The following SPOCK1 variants were observed in gnomAD, a reference collection of about 807,000 sequenced individuals.
SPOCK1 encodes the protein SPARC (osteonectin), cwcv and kazal like domains proteoglycan 1.
SPOCK1 carries 23 observed loss-of-function variants against 55.3 expected under a neutral mutation model. The observed-to-expected ratio is 0.42, with a 90% CI of 0.30 to 0.59. The LOEUF (loss-of-function observed/expected upper bound fraction) is 0.59, where lower values mean the gene tolerates loss of function less well. SPOCK1 is among the 20% of genes least tolerant of loss of function. SPOCK1 has a pLI of 0.22. For synonymous variants in SPOCK1, 226 were observed against 221.0 expected (o/e 1.02, Z -0.20); for missense variants, 499 against 552.5 (o/e 0.90, Z 0.97).
chr5:137,357,179 T>C (rs1750836680), intron 2 of SPOCK1, among the ~76,000 whole-genome samples: 2 of 152,058 alleles, frequency 1.3e-5, no homozygotes, highest in African/African-American at 4.8e-5. Flanking sequence ...AGAGGACCAC[T>C]CATGGAGTTT....
intron 2 of SPOCK1, among the ~76,000 whole-genome samples, chr5:137,417,709 T>C (rs1752370325): frequency 1.3e-5 from 2 of 152,222 alleles, no homozygotes; most frequent in Admixed American, 1.3e-4. Flanking sequence ...CTTATGCATA[T>C]CTCAAAAATT....
chr5:137,473,158 A>T (rs1347991304), intron 2 of SPOCK1, among the ~76,000 whole-genome samples: 2 of 152,170 alleles, frequency 1.3e-5, no homozygotes, highest in Non-Finnish European at 2.9e-5. Flanking sequence ...AATGCACAAG[A>T]TTATTCACTC....
chr5:137,202,478 C>T (rs1008747930), intron 3 of SPOCK1, among the ~76,000 whole-genome samples: 2 of 152,176 alleles, frequency 1.3e-5, no homozygotes, highest in Non-Finnish European at 2.9e-5. Flanking sequence ...CTGGTTTTAT[C>T]CATCCTGATA....
chr5:137,216,294 C>G (rs1004442800), intron 3 of SPOCK1, among the ~76,000 whole-genome samples: 3 of 152,214 alleles, frequency 2.0e-5, no homozygotes, highest in Non-Finnish European at 4.4e-5. Context: ...ATGCAAGAAA[C>G]ATTAGCTGTT....
intron 4 of SPOCK1, among the ~76,000 whole-genome samples, chr5:137,133,336 C>T (rs1467190137): frequency 6.6e-6 from 1 of 150,474 alleles, no homozygotes; most frequent in East Asian, 1.9e-4. Context: ...CACCACTGCA[C>T]TCCAGCCTGG....
At chr5:137,424,625 G>A (rs549627679) in intron 2 of SPOCK1, among the ~76,000 whole-genome samples, 1 of 152,252 alleles carries the variant, frequency 6.6e-6, no homozygotes, top group South Asian at 2.1e-4. Context: ...ATCAACAGGT[G>A]AATGGATAAG....
chr5:137,472,864 T>C (rs1241584878), intron 2 of SPOCK1, among the ~76,000 whole-genome samples: 1 of 152,234 alleles, frequency 6.6e-6, no homozygotes, highest in Non-Finnish European at 1.5e-5. Flanking sequence ...GATGCTCCAC[T>C]TCACTCATAA....
chr5:137,272,846 G>C (rs915294806), intron 2 of SPOCK1, among the ~76,000 whole-genome samples: 1 of 150,096 alleles, frequency 6.7e-6, no homozygotes, highest in Non-Finnish European at 1.5e-5. Flanking sequence ...GTAAATCCTT[G>C]CTAAATCACA....
intron 2 of SPOCK1, among the ~76,000 whole-genome samples, chr5:137,472,475 G>C (rs766099983): frequency 1.3e-5 from 2 of 152,208 alleles, no homozygotes; most frequent in Non-Finnish European, 2.9e-5. Context: ...AGTCAGTCGG[G>C]AGAAAATAGG....
At chr5:137,153,621 A>C (rs895442368) in intron 3 of SPOCK1, among the ~76,000 whole-genome samples, 2 of 152,090 alleles carry the variant, frequency 1.3e-5, no homozygotes, top group South Asian at 2.1e-4. Flanking sequence ...TGTGAGACTA[A>C]AGAGGGAAGA....
In SPOCK1 at chr5:137,105,015, T is replaced by C. The variant is rs1373363014; in HGVS notation, c.474+7420A>G. On this transcript the variant is annotated intron_variant, in intron 5 of 10. Coordinates refer to ENST00000394945, the MANE Select transcript of SPOCK1 (RefSeq NM_004598.4). ...CCGCTGCCTTATTGGACTGTTGGTG[T>C]CCACTGTGGTCTATCTGCACAAGAC... is the stretch of plus-strand genomic sequence containing the variant. Among the ~76,000 whole-genome samples, 3 of 152,172 alleles carry C rather than the reference T, an allele frequency of 2.0e-5. No homozygotes were observed. The East Asian group carries it at 5.8e-4, about 29-fold the overall frequency.
chr5:137,385,146 A>G (rs961547623), intron 2 of SPOCK1, among the ~76,000 whole-genome samples: 1 of 152,140 alleles, frequency 6.6e-6, no homozygotes, highest in African/African-American at 2.4e-5. Flanking sequence ...CCTTCCTAAT[A>G]CCTCATTCCA....
At chr5:137,455,154 C>T (rs1753337122) in intron 2 of SPOCK1, among the ~76,000 whole-genome samples, 1 of 152,172 alleles carries the variant, frequency 6.6e-6, no homozygotes, top group African/African-American at 2.4e-5. Flanking sequence ...GTACCTTACA[C>T]AAGAGAATGC....
intron 2 of SPOCK1, among the ~76,000 whole-genome samples, chr5:137,302,300 T>C (rs1757606968): frequency 6.6e-6 from 1 of 152,020 alleles, no homozygotes; most frequent in Non-Finnish European, 1.5e-5. Flanking sequence ...CTGGGCGCGG[T>C]GGCTCACGCC....
At chr5:137,063,239 CA>C (rs34720226) in intron 6 of SPOCK1, among the ~76,000 whole-genome samples, 52,194 of 99,880 alleles carry the variant, frequency 0.52, 12,540 homozygotes, top group Non-Finnish European at 0.61. Context: ...GACTCCATCT[CA>C]AAAAAAAAAA....
chr5:137,080,150 A>C (rs1349670531), intron 5 of SPOCK1, among the ~76,000 whole-genome samples: 3 of 152,136 alleles, frequency 2.0e-5, no homozygotes, highest in Non-Finnish European at 4.4e-5. Context: ...TTTCTCCTTT[A>C]ATTTTCACCC....
At chr5:137,152,232 TCA>T (rs1754330680) in intron 3 of SPOCK1, among the ~76,000 whole-genome samples, 1 of 152,226 alleles carries the variant, frequency 6.6e-6, no homozygotes, top group Non-Finnish European at 1.5e-5. Flanking sequence ...TCTGTGCTAT[TCA>T]GTCATGACTA....
chr5:137,255,676 AGG>A, intron 3 of SPOCK1, among the ~76,000 whole-genome samples: 1 of 150,266 alleles, frequency 6.7e-6, no homozygotes, highest in African/African-American at 2.5e-5. Flanking sequence ...AAGTGAAGGC[AGG>A]AGGAGAACTC....
intron 4 of SPOCK1, among the ~76,000 whole-genome samples, chr5:137,116,797 T>C (rs1469044233): frequency 6.6e-6 from 1 of 152,024 alleles, no homozygotes; most frequent in Non-Finnish European, 1.5e-5. Context: ...ACGACCAACA[T>C]CAATTTTTGC....
Sources: gnomAD v4.1 joint callset for allele counts (sites outside exome capture counted in the v4.1 genomes callset) on GRCh38, gnomAD v4.1.1 for gene constraint, MANE v1.5 for transcripts, NCBI Gene and HGNC (gene_info 2026-07-23, HGNC 2026-07-21) for gene names.